Variants in PCED1B observed in about 807,000 individuals in gnomAD.
PCED1B encodes PC-esterase domain containing 1B.
For missense variants in PCED1B, 573 were observed against 573.9 expected, an observed-to-expected ratio of 1.00 and a Z score of 0.02; for synonymous variants, 251 against 246.1, an observed-to-expected ratio of 1.02 and a Z score of -0.19.
intron 2 of PCED1B, among the ~76,000 whole-genome samples, chr12:47,175,715 A>G (rs1941901713): frequency 6.6e-6 from 1 of 151,886 alleles, no homozygotes; most frequent in Admixed American, 6.6e-5. Flanking sequence ...CTAGGATTAC[A>G]GGCATCCGCC....
chr12:47,164,569 A>G (rs1380009210), intron 2 of PCED1B, among the ~76,000 whole-genome samples: 1 of 152,178 alleles, frequency 6.6e-6, no homozygotes, highest in Middle Eastern at 3.2e-3. Context: ...TTCCCAGGTA[A>G]GTGTTTCACA....
intron 1 of PCED1B, among the ~76,000 whole-genome samples, chr12:47,093,671 G>GA (rs1938359461): frequency 6.6e-6 from 1 of 151,062 alleles, no homozygotes; most frequent in Non-Finnish European, 1.5e-5. Context: ...ACTAATTTCT[G>GA]TTTTTTTTCT....
intron 1 of PCED1B, among the ~76,000 whole-genome samples, chr12:47,096,091 G>T (rs11183726): frequency 1.3e-5 from 2 of 151,816 alleles, no homozygotes; most frequent in Non-Finnish European, 2.9e-5. Context: ...TCCTCATCTC[G>T]GGGAGAAGAG....
intron 2 of PCED1B, among the ~76,000 whole-genome samples, chr12:47,158,154 A>G (rs941003275): frequency 8.5e-5 from 13 of 152,068 alleles, no homozygotes; most frequent in Non-Finnish European, 1.6e-4. Flanking sequence ...TCTGCTTTCA[A>G]TTTTTTTGTG....
chr12:47,119,580 A>C (rs1404081407), intron 2 of PCED1B, among the ~76,000 whole-genome samples: 1 of 152,160 alleles, frequency 6.6e-6, no homozygotes, highest in Non-Finnish European at 1.5e-5. Flanking sequence ...GCTTCAAAAA[A>C]CACTATCAGG....
intron 2 of PCED1B, among the ~76,000 whole-genome samples, chr12:47,173,910 A>G (rs1048029105): frequency 6.6e-6 from 1 of 152,234 alleles, no homozygotes; most frequent in African/African-American, 2.4e-5. Flanking sequence ...TTTGAAGACT[A>G]TTCTTATTCA....
chr12:47,194,209 C>G (rs1427227356), intron 2 of PCED1B, among the ~76,000 whole-genome samples: 1 of 152,214 alleles, frequency 6.6e-6, no homozygotes, highest in Non-Finnish European at 1.5e-5. Context: ...GAGTCTCACT[C>G]TGTCGCCCAG....
In PCED1B at chr12:47,194,409, G is replaced by A. The variant is rs141838187; in HGVS notation, c.-525-21813G>A. Among the ~76,000 whole-genome samples, 646 of 152,220 alleles carry A rather than the reference G, an allele frequency of 4.2e-3. 3 individuals are homozygous for A. Among genetic ancestry groups the A allele is most frequent in the African/African-American group, 0.015 (618 of 41,552 alleles). ...AGGCTGGTCTCGAACTCCTGACCTC[G>A]TGATCCACCTGCCTAGGCCTTCCAA... is the stretch of plus-strand genomic sequence containing the variant. On this transcript the variant is annotated intron_variant, in intron 2 of 3. Transcript: ENST00000546455.
chr12:47,218,189 C>T (rs1592304713), intron 3 of PCED1B, among the ~76,000 whole-genome samples: 1 of 152,146 alleles, frequency 6.6e-6, no homozygotes, highest in Non-Finnish European at 1.5e-5. Context: ...AGCGAGAGCT[C>T]GGCTGGACAC....
At chr12:47,179,035 A>G (rs1942015640) in intron 2 of PCED1B, among the ~76,000 whole-genome samples, 1 of 152,228 alleles carries the variant, frequency 6.6e-6, no homozygotes, top group East Asian at 1.9e-4. Flanking sequence ...AAGTAATTAC[A>G]TAAATTTGTG....
intron 2 of PCED1B, among the ~76,000 whole-genome samples, chr12:47,170,366 C>T (rs7138893): frequency 0.041 from 6,292 of 152,264 alleles, 406 homozygotes; most frequent in African/African-American, 0.14. Flanking sequence ...TCGGCAAAAC[C>T]GCCATCGTCA....
intron 2 of PCED1B, among the ~76,000 whole-genome samples, chr12:47,156,029 C>A (rs751434639): frequency 1.3e-5 from 2 of 152,196 alleles, no homozygotes; most frequent in Non-Finnish European, 2.9e-5. Context: ...CATTGTTTAT[C>A]TTCTGCCAAG....
At chr12:47,089,457 A>AAAAACAT (rs1250680200) in intron 1 of PCED1B, among the ~76,000 whole-genome samples, 8 of 29,436 alleles carry the variant, frequency 2.7e-4, no homozygotes, top group South Asian at 8.5e-4. Context: ...AAAAAAAAAA[A>AAAAACAT]ATACATATAT....
chr12:47,217,458 A>AAGAAAGAG (rs1565607709), intron 3 of PCED1B, among the ~76,000 whole-genome samples: 1 of 100,018 alleles, frequency 1.0e-5, no homozygotes, highest in Non-Finnish European at 1.8e-5. Flanking sequence ...GAAAGAAAGA[A>AAGAAAGAG]AAAGAAAGAA....
intron 1 of PCED1B, among the ~76,000 whole-genome samples, chr12:47,089,089 C>T (rs920350675): frequency 6.6e-6 from 1 of 152,016 alleles, no homozygotes; most frequent in African/African-American, 2.4e-5. Flanking sequence ...TTGACAGGTC[C>T]AGAAACTTGA....
intron 2 of PCED1B, chr12:47,135,645 G>A (rs1040472159): frequency 2.6e-4 from 133 of 509,110 alleles, no homozygotes; most frequent in African/African-American, 2.4e-3. Context: ...TAGACTTCCT[G>A]TCCTAGACTT....
intron 3 of PCED1B, among the ~76,000 whole-genome samples, chr12:47,226,855 C>A (rs1461661802): frequency 2.0e-5 from 3 of 152,046 alleles, no homozygotes; most frequent in Non-Finnish European, 1.5e-5. Context: ...ATTTTCGAAT[C>A]CTTTTTTTGT....
At chr12:47,134,777 A>G (rs563488196) in intron 2 of PCED1B, among the ~76,000 whole-genome samples, 1 of 152,200 alleles carries the variant, frequency 6.6e-6, no homozygotes, top group Non-Finnish European at 1.5e-5. Context: ...CTGAGGCAGG[A>G]GAATTGCTTG....
At position 47,236,170 on chromosome 12, in the gene PCED1B, C is replaced by G. The variant is rs780041489; in HGVS notation, c.1107C>G (p.Val369=). The change falls in exon 4 of 4, where the codon GTC becomes GTG. Residue 369 remains valine, a synonymous_variant. Coordinates refer to ENST00000546455, the MANE Select transcript of PCED1B (RefSeq NM_138371.3). ...CATCAGCCCATGCAGGTTTCTTCGT[C>G]GAAGACAATTTTATGGTTGGTCCTC... ...VPSSAHAGFF[V]EDNFMVGPQL... The G allele has an allele frequency of 5.0e-6, 8 of 1,614,000 alleles. No homozygotes were observed. In the Admixed American group the frequency reaches 1.0e-4, roughly 20 times the overall value.
Sources: gnomAD v4.1 joint callset for allele counts (sites outside exome capture counted in the v4.1 genomes callset) on GRCh38, gnomAD v4.1.1 for gene constraint, MANE v1.5 for transcripts, NCBI Gene and HGNC (gene_info 2026-07-23, HGNC 2026-07-21) for gene names.